Variants in COL14A1 observed in about 807,000 individuals in gnomAD.
COL14A1 encodes collagen type XIV alpha 1 chain, also known as collagen alpha-1(XIV) chain.
Under a neutral mutation model 230.3 loss-of-function variants are expected in COL14A1, and 136 were observed. The ratio of observed to expected loss-of-function variants is 0.59; its 90% CI spans 0.51 to 0.68. COL14A1 has a LOEUF of 0.68. Among genes scored for constraint, COL14A1 ranks in the 30% least tolerant of loss-of-function variants. The pLI is 0.00. For missense variants in COL14A1, 1,976 were observed against 2,215.8 expected, an observed-to-expected ratio of 0.89 and a Z score of 2.17; for synonymous variants, 792 against 784.1, an observed-to-expected ratio of 1.01 and a Z score of -0.17.
In COL14A1 at chr8:120,370,277, G is replaced by A. The variant is rs1823541409; in HGVS notation, c.5311+792G>A. The A allele has an allele frequency of 3.8e-6, 6 of 1,558,574 alleles. No individual in the cohort carries two copies. The Admixed American group carries it at 8.7e-5, about 23-fold the overall frequency. On this transcript the variant is annotated intron_variant, in intron 47 of 47. Transcript: ENST00000297848. ...TTGGTCAACAAAGTTTTGCTGATGTGTTTTTCTCTGTTCATCTTTTCCCTC... is the reference window on the plus strand; with the variant it reads ...TTGGTCAACAAAGTTTTGCTGATGTATTTTTCTCTGTTCATCTTTTCCCTC...
intron 1 of COL14A1, among the ~76,000 whole-genome samples, chr8:120,139,870 TA>T (rs980830962): frequency 1.3e-5 from 2 of 150,882 alleles, no homozygotes; most frequent in South Asian, 2.1e-4. Flanking sequence ...TAAAAAAAAA[TA>T]AAAAAAACTA....
At chr8:120,303,500 TG>T (rs1329997802) in intron 36 of COL14A1, among the ~76,000 whole-genome samples, 3 of 152,172 alleles carry the variant, frequency 2.0e-5, no homozygotes, top group African/African-American at 7.2e-5. Context: ...GATAATTACG[TG>T]GTTTTTGTCT....
At chr8:120,306,877 A>G (rs1429070178) in intron 36 of COL14A1, among the ~76,000 whole-genome samples, 1 of 152,216 alleles carries the variant, frequency 6.6e-6, no homozygotes, top group African/African-American at 2.4e-5. Context: ...TTCAGTTGAA[A>G]ACAAATCATT....
At chr8:120,316,853 G>A (rs111446385) in intron 40 of COL14A1, among the ~76,000 whole-genome samples, 1 of 152,240 alleles carries the variant, frequency 6.6e-6, no homozygotes, top group African/African-American at 2.4e-5. Context: ...GTTTAGTATG[G>A]CAGAAGATTA....
At chr8:120,263,095 A>G in intron 24 of COL14A1, 81 bp downstream of exon 24, 1 of 1,418,450 alleles carries the variant, frequency 7.0e-7, no homozygotes, top group Admixed American at 2.6e-5. Flanking sequence ...TATCCCATTT[A>G]GAAAAATATT....
chr8:120,164,782 C>T (rs1317528948), intron 4 of COL14A1, among the ~76,000 whole-genome samples: 1 of 152,216 alleles, frequency 6.6e-6, no homozygotes, highest in Non-Finnish European at 1.5e-5. Flanking sequence ...TGGCCTCCAA[C>T]ATTCCTGCAT....
chr8:120,343,828 A>G (rs1429403401), intron 44 of COL14A1, among the ~76,000 whole-genome samples: 1 of 152,156 alleles, frequency 6.6e-6, no homozygotes, highest in Non-Finnish European at 1.5e-5. Context: ...TGTTTTTTAG[A>G]TTTCTGATTT....
intron 1 of COL14A1, among the ~76,000 whole-genome samples, chr8:120,138,036 A>C (rs916479154): frequency 6.6e-6 from 1 of 152,038 alleles, no homozygotes; most frequent in Non-Finnish European, 1.5e-5. Flanking sequence ...TTACTGTTAC[A>C]CTTAAAAAAT....
intron 47 of COL14A1, chr8:120,370,452 A>G: frequency 1.9e-6 from 3 of 1,566,054 alleles, no homozygotes; most frequent in Non-Finnish European, 2.6e-6. Flanking sequence ...CACCACCACC[A>G]AGCCCCTGCC....
At chr8:120,285,749 TA>T in intron 32 of COL14A1, 111 bp from the exon 33 acceptor site, 1 of 711,696 alleles carries the variant, frequency 1.4e-6, no homozygotes, top group Non-Finnish European at 2.3e-6. Flanking sequence ...CACATCATTC[TA>T]AATACAGTTT....
At chr8:120,264,078 G>A (rs1025014247) in intron 24 of COL14A1, among the ~76,000 whole-genome samples, 3 of 152,152 alleles carry the variant, frequency 2.0e-5, no homozygotes, top group East Asian at 1.9e-4. Context: ...ATTTCAGGAC[G>A]TTTCCATCAA....
At chr8:120,306,955 C>T (rs777480007) in intron 36 of COL14A1, among the ~76,000 whole-genome samples, 6 of 152,048 alleles carry the variant, frequency 3.9e-5, no homozygotes, top group East Asian at 3.9e-4. Context: ...GACTAGGCTG[C>T]GAGAAACAGA....
rs189129507 is a variant in COL14A1, at chr8:120,155,214, C to T, written c.89-2916C>T. Among the ~76,000 whole-genome samples the T allele has an allele frequency of 1.8e-4, 28 of 152,210 alleles. No homozygotes were observed. The East Asian group carries it at 5.2e-3, about 28-fold the overall frequency. ...CTAGCAGTTATAATGGGAATGTAGA[C>T]AGTTGAATCATTTGTAAATTAATGA... On this transcript the variant is annotated intron_variant, in intron 2 of 47. Coordinates refer to ENST00000297848, the MANE Select transcript of COL14A1 (RefSeq NM_021110.4).
intron 18 of COL14A1, among the ~76,000 whole-genome samples, chr8:120,230,390 A>G (rs936961131): frequency 3.9e-5 from 6 of 152,210 alleles, no homozygotes; most frequent in African/African-American, 1.2e-4. Flanking sequence ...AGACACTTCA[A>G]TGGCTCTCCA....
rs563811899 is a variant in COL14A1, at chr8:120,278,512, G to A, written c.3415G>A (p.Val1139Met). The A allele has an allele frequency of 2.0e-5, 33 of 1,613,110 alleles. No homozygotes were observed. In the East Asian group the frequency reaches 2.7e-4, roughly 13 times the overall value. The change falls in exon 28 of 48, where the codon GTG (valine) becomes ATG (methionine). Residue 1139 changes from valine (V) to methionine (M), a missense_variant. Physicochemically the swap from Val to Met is conservative, Grantham distance 21. Around this residue, in one of 3 missense-constraint regions of COL14A1, gnomAD observed 1,791 missense variants for 2,019.5 expected, o/e 0.89. Transcript: ENST00000297848. ...AAGAAGGGGCATCCCAAAGGTTATCGTGGTTATAACTGATGGAAGATCACA... is the reference window on the plus strand; with the variant it reads ...AAGAAGGGGCATCCCAAAGGTTATCATGGTTATAACTGATGGAAGATCACA... ...GTRRGIPKVI[V>M]VITDGRSQDD...
intron 5 of COL14A1, among the ~76,000 whole-genome samples, chr8:120,193,267 C>T (rs1816894306): frequency 6.6e-6 from 1 of 152,180 alleles, no homozygotes; most frequent in African/African-American, 2.4e-5. Context: ...TTCTAACAGA[C>T]AGGACGCTCG....
intron 20 of COL14A1, 136 bp downstream of exon 20, chr8:120,244,144 A>G (rs1026455060): frequency 1.8e-5 from 18 of 1,019,658 alleles, no homozygotes; most frequent in Non-Finnish European, 2.2e-5. Context: ...ATCTGTCTGC[A>G]TCCTGTCTTT....
intron 5 of COL14A1, among the ~76,000 whole-genome samples, chr8:120,195,893 T>C (rs1332666815): frequency 1.3e-5 from 2 of 152,148 alleles, no homozygotes; most frequent in Non-Finnish European, 2.9e-5. Context: ...TGTGAAACAC[T>C]TGGAGAATAT....
In COL14A1 at chr8:120,285,725, A is replaced by G. The variant is rs563676287; in HGVS notation, c.3968-136A>G. On this transcript the variant is annotated intron_variant, in intron 32 of 47. Transcript: ENST00000297848. ...TGCGGCAACCTGGGGACTGTAGAAC[A>G]CTTCCTTACTCATCACATCATTCTA... is the stretch of plus-strand genomic sequence containing the variant. The G allele has an allele frequency of 4.7e-6, 3 of 634,826 alleles. No individual in the cohort carries two copies. The East Asian group carries it at 8.5e-5, about 18-fold the overall frequency. 39.3% of individuals were successfully genotyped at this position (634,826 alleles called of 1,614,324 possible).
Sources: allele counts gnomAD v4.1 joint callset (sites outside exome capture counted in the v4.1 genomes callset), GRCh38; gene constraint gnomAD v4.1.1; regional missense constraint gnomAD v4.1.1; transcripts MANE v1.5; gene names NCBI Gene and HGNC (gene_info 2026-07-23, HGNC 2026-07-21).